MAGI3: variants seen among roughly 807,000 people sequenced by gnomAD.
The protein encoded by MAGI3 is membrane associated guanylate kinase, WW and PDZ domain containing 3.
A neutral mutation model predicts 121.8 loss-of-function variants in MAGI3; 43 were observed. The ratio of observed to expected loss-of-function variants is 0.35; its 90% CI spans 0.28 to 0.46. MAGI3 has a LOEUF of 0.46. Among genes scored for constraint, MAGI3 ranks in the 20% least tolerant of loss-of-function variants. The pLI, the probability that MAGI3 is intolerant of heterozygous loss-of-function variation, is 1.00. For missense variants in MAGI3, 1,547 were observed against 1,797.3 expected, an observed-to-expected ratio of 0.86 and a Z score of 2.52; for synonymous variants, 553 against 639.3, an observed-to-expected ratio of 0.86 and a Z score of 2.04.
chr1:113,450,329 G>A (rs1570693696), intron 1 of MAGI3: 2 of 1,462,942 alleles, frequency 1.4e-6, no homozygotes, highest in East Asian at 4.5e-5. Flanking sequence ...TTTGGAGGTG[G>A]TGGAGGAGCT....
At chr1:113,602,955 T>A (rs1292365421) in intron 6 of MAGI3, among the ~76,000 whole-genome samples, 1 of 151,812 alleles carries the variant, frequency 6.6e-6, no homozygotes, top group Admixed American at 6.6e-5. Flanking sequence ...AGTGTGTGTA[T>A]GTGTATGTAT....
chr1:113,569,215 A>T (rs1660553847), intron 2 of MAGI3, among the ~76,000 whole-genome samples: 1 of 152,162 alleles, frequency 6.6e-6, no homozygotes, highest in Non-Finnish European at 1.5e-5. Context: ...CTGAGGAAGA[A>T]TATGGCAGTG....
At position 113,641,049 on chromosome 1, in the gene MAGI3, G is replaced by GAT. The variant is rs1436908511; in HGVS notation, c.1361-857_1361-856dup. Among the ~76,000 whole-genome samples the GAT allele has an allele frequency of 2.8e-5, 3 of 107,044 alleles. 1 individual carries two copies. The highest frequency in any genetic ancestry group is 1.1e-4 in the Admixed American group (1 of 8,818). The allele number at this position is 107,044 out of a possible 152,430, so 70.2% of individuals were successfully genotyped here. A position where few individuals can be genotyped will look rare whatever the true frequency, so the allele number is the denominator to read the frequency against. Reference sequence around the variant, plus strand: ...TATATATGATATATATAATATATATGATATATTATATATGATATATATAAT... The same window carrying GAT: ...TATATATGATATATATAATATATATGATATATATTATATATGATATATATAAT... On this transcript the variant is annotated intron_variant, in intron 9 of 20. Transcript: ENST00000307546.
chr1:113,627,921 CAT>C (rs1430274231), intron 9 of MAGI3, among the ~76,000 whole-genome samples: 1 of 151,884 alleles, frequency 6.6e-6, no homozygotes, highest in African/African-American at 2.4e-5. Flanking sequence ...TTACAGGTGA[CAT>C]ATGTTTCTTC....
intron 1 of MAGI3, among the ~76,000 whole-genome samples, chr1:113,416,994 G>A (rs1652484634): frequency 6.6e-6 from 1 of 151,894 alleles, no homozygotes; most frequent in African/African-American, 2.4e-5. Context: ...TTGACTAATT[G>A]TCATTGAATT....
At chr1:113,646,435 T>A in intron 11 of MAGI3, 51 bp from the exon 12 acceptor site, 1 of 1,455,164 alleles carries the variant, frequency 6.9e-7, no homozygotes. Context: ...TATGAATTAA[T>A]CAACCATCTG....
At chr1:113,418,172 A>G (rs1033200487) in intron 1 of MAGI3, among the ~76,000 whole-genome samples, 1 of 152,150 alleles carries the variant, frequency 6.6e-6, no homozygotes, top group African/African-American at 2.4e-5. Flanking sequence ...GTTGTTTACC[A>G]CAGAAAATGT....
chr1:113,551,691 A>T (rs1013975778), intron 2 of MAGI3, among the ~76,000 whole-genome samples: 9 of 152,080 alleles, frequency 5.9e-5, no homozygotes, highest in Non-Finnish European at 1.3e-4. Context: ...AACTTCTTAA[A>T]TTTTTATTGA....
At chr1:113,490,254 C>T (rs1042359040) in intron 1 of MAGI3, among the ~76,000 whole-genome samples, 8 of 152,054 alleles carry the variant, frequency 5.3e-5, no homozygotes, top group African/African-American at 1.9e-4. Context: ...TAAAAGAAAT[C>T]CCAACCCAGA....
At chr1:113,572,311 G>T (rs1192918071) in intron 2 of MAGI3, among the ~76,000 whole-genome samples, 1 of 152,138 alleles carries the variant, frequency 6.6e-6, no homozygotes, top group African/African-American at 2.4e-5. Context: ...TTTTATTGAG[G>T]TTTTTCGCAT....
intron 1 of MAGI3, among the ~76,000 whole-genome samples, chr1:113,516,443 A>T (rs1482438816): frequency 6.6e-6 from 1 of 151,180 alleles, no homozygotes; most frequent in African/African-American, 2.4e-5. Context: ...TTATAAGAGT[A>T]TGCCAAAGGG....
intron 1 of MAGI3, among the ~76,000 whole-genome samples, chr1:113,395,262 A>C (rs964191953): frequency 6.6e-6 from 1 of 151,792 alleles, no homozygotes; most frequent in African/African-American, 2.4e-5. Flanking sequence ...AAGAAAATCT[A>C]GAGACCTAGA....
chr1:113,419,733 A>C (rs1336199142), intron 1 of MAGI3, among the ~76,000 whole-genome samples: 1 of 152,178 alleles, frequency 6.6e-6, no homozygotes, highest in Admixed American at 6.5e-5. Flanking sequence ...GATTCCCACA[A>C]ATTCAATGGC....
At chr1:113,620,367 A>G (rs1650746993) in intron 8 of MAGI3, among the ~76,000 whole-genome samples, 1 of 152,112 alleles carries the variant, frequency 6.6e-6, no homozygotes, top group African/African-American at 2.4e-5. Context: ...AATCATGTGT[A>G]TTTTGAAAAC....
intron 1 of MAGI3, among the ~76,000 whole-genome samples, chr1:113,431,711 A>T (rs1372327853): frequency 3.3e-5 from 5 of 152,212 alleles, no homozygotes; most frequent in African/African-American, 1.2e-4. Flanking sequence ...AGTGAAAATT[A>T]AAAATCTTAA....
chr1:113,508,414 C>T (rs536495859), intron 1 of MAGI3, among the ~76,000 whole-genome samples: 4 of 152,250 alleles, frequency 2.6e-5, no homozygotes, highest in South Asian at 2.1e-4. Flanking sequence ...AGGCCTGGCT[C>T]ATTTTTCCAC....
rs538739896 is a variant in MAGI3 at position 113,418,053 on chromosome 1, C to A, written c.316+26704C>A. ...TGTCTGGGCTTTTTCGACCTAAGAC[C>A]TGGGGTCCTTGGTTTCAGTCTTTTG... On this transcript the variant is annotated intron_variant, in intron 1 of 20. Coordinates refer to ENST00000307546, the MANE Select transcript of MAGI3 (RefSeq NM_001142782.2). 6.6e-5 allele frequency among the ~76,000 whole-genome samples: 10 copies of A among 151,984 alleles called. No homozygotes were observed. The South Asian group carries it at 2.1e-3, about 32-fold the overall frequency.
At chr1:113,477,050 CT>C (rs138155838) in intron 1 of MAGI3, among the ~76,000 whole-genome samples, 22,820 of 144,406 alleles carry the variant, frequency 0.16, 1,909 homozygotes, top group Non-Finnish European at 0.2. Flanking sequence ...TGCACCCCTG[CT>C]TTTTTTTTTT....
chr1:113,594,436 T>A (rs113628856), intron 5 of MAGI3, 45 bp from the exon 6 acceptor site: 1 of 1,447,150 alleles, frequency 6.9e-7, no homozygotes, highest in Non-Finnish European at 9.6e-7. Context: ...AATAATTTTC[T>A]CCTCCTTTAT....
Sources: allele counts gnomAD v4.1 joint callset (sites outside exome capture counted in the v4.1 genomes callset), GRCh38; gene constraint gnomAD v4.1.1; transcripts MANE v1.5; gene names NCBI Gene and HGNC (gene_info 2026-07-23, HGNC 2026-07-21).